The following B4GALT2 variants were observed in gnomAD, a reference collection of about 807,000 sequenced individuals.
The protein encoded by B4GALT2 is N-acetyllactosamine synthase.
B4GALT2 carries 18 observed loss-of-function variants against 33.2 expected under a neutral mutation model. The ratio of observed to expected loss-of-function variants is 0.54; its 90% CI spans 0.38 to 0.80. B4GALT2 has a LOEUF of 0.80. Ranked by LOEUF, B4GALT2 falls within the 30% of genes least tolerant of loss-of-function variation. The pLI is 0.00. For missense variants in B4GALT2, 404 were observed against 526.2 expected (o/e 0.77, Z 2.27); for synonymous variants, 214 against 217.6 (o/e 0.98, Z 0.15).
rs1209557629 is a variant in B4GALT2 at position 43,989,280 on chromosome 1, A to AG, written c.969-1015dup. ...AGAATCGCTTGAACCTGGGAAGTGG[A>AG]GGGTGCAGTGAGCCGAGGTGGTGCC... is the stretch of plus-strand genomic sequence containing the variant. On this transcript the variant is annotated intron_variant, in intron 6 of 6. Transcript: ENST00000372324. Among the ~76,000 whole-genome samples the AG allele has an allele frequency of 2.9e-5, 4 of 135,670 alleles. No homozygotes were observed. In the Admixed American group the frequency reaches 3.4e-4, roughly 11 times the overall value. The allele number at this position is 135,670 out of a possible 152,430, so 89.0% of individuals were successfully genotyped here.
rs553809859 is a variant in B4GALT2, at chr1:43,980,103, T to A, written c.-53+592T>A. 5.2e-5 allele frequency: 74 copies of A among 1,426,526 alleles called. No individual in the cohort carries two copies. In the East Asian group the frequency reaches 2.0e-3, roughly 38 times the overall value. The allele number at this position is 1,426,526 out of a possible 1,614,324, so 88.4% of individuals were successfully genotyped here. A position where few individuals can be genotyped will look rare whatever the true frequency, so the allele number is the denominator to read the frequency against. On this transcript the variant is annotated intron_variant, in intron 1 of 6. Transcript: ENST00000372324. ...CCGGGTGTGTCTGTGACTGTAGTTCTCTGTGTGTCTGAGTGTGGGTGACCA... is the reference window on the plus strand; with the variant it reads ...CCGGGTGTGTCTGTGACTGTAGTTCACTGTGTGTCTGAGTGTGGGTGACCA...
Position 43,982,026 on chromosome 1 carries a change from G to A in B4GALT2, c.549+102G>A, listed in dbSNP as rs2085605865. 1.7e-6 allele frequency: 2 copies of A among 1,185,592 alleles called. No individual in the cohort carries two copies. The highest frequency in any genetic ancestry group is 1.4e-5 in the South Asian group (1 of 71,106). The allele number at this position is 1,185,592 out of a possible 1,614,324, so 73.4% of individuals were successfully genotyped here. The stretch of plus-strand genomic sequence containing the variant: ...TGTGGATATGTGGATGGACCTGGGC[G>A]TGGGTAGTCGGTGTTTGTCAGTGTG... On this transcript the variant is annotated intron_variant, in intron 3 of 6. Transcript: ENST00000372324. This position sits in a 1 kb window ranked among gnomAD's most constrained non-coding sequence, Gnocchi z 4.3.
Position 43,987,927 on chromosome 1 carries a change from C to T in B4GALT2, c.968+2306C>T, listed in dbSNP as rs370276980. Among the ~76,000 whole-genome samples, 9 of 152,202 alleles carry T rather than the reference C, an allele frequency of 5.9e-5. No homozygotes were observed. The East Asian group carries it at 1.5e-3, about 26-fold the overall frequency. ...GAGTGCTTTGCCCCTGCCCTTAGCTCAGTGTCACATATGCCCTCTTGTCTC... is the reference window on the plus strand; with the variant it reads ...GAGTGCTTTGCCCCTGCCCTTAGCTTAGTGTCACATATGCCCTCTTGTCTC... On this transcript the variant is annotated intron_variant, in intron 6 of 6. Coordinates refer to ENST00000372324, the MANE Select transcript of B4GALT2 (RefSeq NM_003780.5).
In B4GALT2 at chr1:43,990,789, T is replaced by G; in HGVS notation, c.*341T>G. 2 of 302,748 alleles carry G rather than the reference T, an allele frequency of 6.6e-6. No homozygotes were observed. The highest frequency in any genetic ancestry group is 1.3e-5 in the Non-Finnish European group (2 of 156,778). The allele number at this position is 302,748 out of a possible 1,614,324, so 18.8% of individuals were successfully genotyped here. A position where few individuals can be genotyped will look rare whatever the true frequency, so the allele number is the denominator to read the frequency against. ...TCACTCCACCTCTCTGTGCCTCAGT[T>G]TCCCCCCCTTGAGTCCCCTAGGGCC... On this transcript the variant is annotated 3_prime_UTR_variant, in exon 7 of 7. Transcript: ENST00000372324.
At chr1:43,989,733 GAAAGTTACT>G (rs2085703201) in intron 6 of B4GALT2, among the ~76,000 whole-genome samples, 3 of 152,242 alleles carry the variant, frequency 2.0e-5, no homozygotes, top group Non-Finnish European at 4.4e-5. Context: ...CTTATCAGGA[GAAAGTTACT>G]GAGATCAGTC....
rs765048002 is a variant in B4GALT2, at chr1:43,979,925, C to T, written c.-53+414C>T. The T allele has an allele frequency of 6.7e-7, 1 of 1,485,548 alleles. No homozygotes were observed. The highest frequency in any genetic ancestry group is 9.0e-7 in the Non-Finnish European group (1 of 1,109,388). 92.0% of individuals were successfully genotyped at this position (1,485,548 alleles called of 1,614,324 possible). On this transcript the variant is annotated intron_variant, in intron 1 of 6. Transcript: ENST00000372324. The surrounding 1 kb of genome is among the most constrained non-coding windows in gnomAD (Gnocchi z 4.8). ...CAAACGCACCCCTCAGCCTGGCCGC[C>T]AGCCTGACCCAGAACCCCTGCGCCG...
Position 43,979,669 on chromosome 1 carries a change from C to G in B4GALT2, c.-53+158C>G, listed in dbSNP as rs564392263. The G allele has an allele frequency of 5.4e-5, 12 of 221,762 alleles. No homozygotes were observed. The highest frequency in any genetic ancestry group is 2.5e-4 in the African/African-American group (11 of 43,602). 13.7% of individuals were successfully genotyped at this position (221,762 alleles called of 1,614,324 possible). The stretch of plus-strand genomic sequence containing the variant: ...CGGCCTGGCTGCCCCCACCCCGCCC[C>G]CACTCCGGCGCCCCTCCTGGGCTTC... On this transcript the variant is annotated intron_variant, in intron 1 of 6. Transcript: ENST00000372324. The surrounding 1 kb of genome is among the most constrained non-coding windows in gnomAD (Gnocchi z 4.8).
rs566624229 is a variant in B4GALT2, at chr1:43,982,141, ACT to A, written c.549+222_549+223del. On this transcript the variant is annotated intron_variant, in intron 3 of 6. Coordinates refer to ENST00000372324, the MANE Select transcript of B4GALT2 (RefSeq NM_003780.5). The surrounding 1 kb of genome is among the most constrained non-coding windows in gnomAD (Gnocchi z 4.3). ...ATGGTCTCAGAAGGGGTTGAGCCCC[ACT>A]CTCTACCCTTGGCAGGCCTCACCCC... Among the ~76,000 whole-genome samples the A allele has an allele frequency of 9.0e-4, 137 of 152,084 alleles. No homozygotes were observed. The highest frequency in any genetic ancestry group is 3.2e-3 in the African/African-American group (133 of 41,486).
In B4GALT2 at chr1:43,985,554, A is replaced by G. The variant is rs767525306; in HGVS notation, c.901A>G (p.Ile301Val). 6.2e-7 allele frequency: 1 copy of G among 1,613,718 alleles called. No homozygotes were observed. Among genetic ancestry groups the G allele is most frequent in the South Asian group, 1.1e-5 (1 of 91,074 alleles). Residue 301 changes from isoleucine to valine, a missense_variant, in exon 6 of 7, where the codon ATC becomes GTC. By Grantham distance (29) the Ile-to-Val change is conservative. Transcript: ENST00000372324. ...TGGGATGAAGATCTCACGCCCAGAC[A>G]TCCGAATCGGCCGCTACCGCATGAT... ...LTGMKISRPDIRIGRYRMIKH... is the reference protein window; with the variant it reads ...LTGMKISRPDVRIGRYRMIKH...
At chr1:43,989,095 C>T (rs1385840498) in intron 6 of B4GALT2, among the ~76,000 whole-genome samples, 1 of 152,012 alleles carries the variant, frequency 6.6e-6, no homozygotes. Flanking sequence ...GCCTATAATC[C>T]CAGCACTTTG....
At chr1:43,985,434 G>GA in intron 5 of B4GALT2, 34 bp downstream of exon 5, 1 of 842,556 alleles carries the variant, frequency 1.2e-6, no homozygotes, top group South Asian at 1.6e-5. Flanking sequence ...TAGGCTGGGT[G>GA]GGGGGGGGAG....
At chr1:43,987,238 G>A (rs1267711183) in intron 6 of B4GALT2, among the ~76,000 whole-genome samples, 1 of 152,150 alleles carries the variant, frequency 6.6e-6, no homozygotes, top group East Asian at 1.9e-4. Context: ...TGGCTTGGTT[G>A]TAGATGTGGC....
intron 1 of B4GALT2, chr1:43,980,471 C>A (rs141307333): frequency 1.2e-6 from 1 of 844,604 alleles, no homozygotes; most frequent in Non-Finnish European, 1.4e-6. Flanking sequence ...TGTATTTGGG[C>A]CCCCCGGATG....
chr1:43,981,327 C>T lies in B4GALT2; in HGVS notation c.167C>T (p.Pro56Leu). Residue 56 changes from proline (P) to leucine (L), a missense_variant, in exon 2 of 7, where the codon CCA (proline) becomes CTA (leucine). Pro to Leu is a moderately conservative substitution (Grantham distance 98). Coordinates refer to ENST00000372324, the MANE Select transcript of B4GALT2 (RefSeq NM_003780.5). The surrounding 1 kb of genome is among the most constrained non-coding windows in gnomAD (Gnocchi z 8.1). ...SARGPAHALH[P>L]AASSSSSSSN... is the part of the protein sequence containing the mutation. ...CGAGGCCCTGCCCATGCCCTCCACC[C>T]AGCTGCTAGCAGCAGCAGCAGCAGC... 1 of 1,601,938 alleles carries T rather than the reference C, an allele frequency of 6.2e-7. No individual in the cohort carries two copies.
At position 43,979,983 on chromosome 1, in the gene B4GALT2, G is replaced by C. The variant is rs1196956326; in HGVS notation, c.-53+472G>C. 13 of 1,527,918 alleles carry C rather than the reference G, an allele frequency of 8.5e-6. No individual in the cohort carries two copies. The highest frequency in any genetic ancestry group is 1.4e-5 in the African/African-American group (1 of 72,046). The allele number at this position is 1,527,918 out of a possible 1,614,324, so 94.6% of individuals were successfully genotyped here. On this transcript the variant is annotated intron_variant, in intron 1 of 6. Transcript: ENST00000372324. This position sits in a 1 kb window ranked among gnomAD's most constrained non-coding sequence, Gnocchi z 4.8. ...GGTGGGAATGTCTGCACGTGGGTCT[G>C]GGTGTGAGCTGTCTGAGAGTCTGGA...
In B4GALT2 at chr1:43,985,355, A is replaced by G. The variant is rs773971319; in HGVS notation, c.818A>G (p.Asn273Ser). ...AQFLRINGFPNEYWGWGGEDD... is the reference protein window; with the variant it reads ...AQFLRINGFPSEYWGWGGEDD... The stretch of plus-strand genomic sequence containing the variant: ...TTTCTGAGAATCAATGGCTTCCCCA[A>G]TGAGTACTGGGGCTGGGGTGGCGAG... The change falls in exon 5 of 7, where the codon AAT (asparagine) becomes AGT (serine). Residue 273 changes from asparagine to serine, a missense_variant. Transcript: ENST00000372324. 1.3e-5 allele frequency: 21 copies of G among 1,588,484 alleles called. No homozygotes were observed. The highest frequency in any genetic ancestry group is 2.2e-5 in the South Asian group (2 of 90,538).
chr1:43,987,860 T>A (rs1291849866), intron 6 of B4GALT2, among the ~76,000 whole-genome samples: 1 of 152,242 alleles, frequency 6.6e-6, no homozygotes, highest in African/African-American at 2.4e-5. Flanking sequence ...TGCAAAATCT[T>A]ATTCCCAATT....
chr1:43,987,426 C>T (rs150548300), intron 6 of B4GALT2, among the ~76,000 whole-genome samples: 2 of 152,108 alleles, frequency 1.3e-5, no homozygotes, highest in Non-Finnish European at 2.9e-5. Context: ...CAGCCTGATA[C>T]CAGATTCACA....
chr1:43,990,051 C>T (rs59934882), intron 6 of B4GALT2, among the ~76,000 whole-genome samples: 127 of 152,296 alleles, frequency 8.3e-4, no homozygotes, highest in Admixed American at 1.4e-3. Flanking sequence ...ACAATGCATT[C>T]TGTCAGTCTT....
Sources: allele counts gnomAD v4.1 joint callset (sites outside exome capture counted in the v4.1 genomes callset), GRCh38; gene constraint gnomAD v4.1.1; non-coding constraint Gnocchi (gnomAD v3.1); transcripts MANE v1.5; gene names NCBI Gene and HGNC (gene_info 2026-07-23, HGNC 2026-07-21).